Variants in HSF1 observed in about 807,000 individuals in gnomAD.
HSF1 encodes the protein heat shock transcription factor 1.
In HSF1, 32 loss-of-function variants were observed where a neutral mutation model predicts 51.7. The observed-to-expected ratio is 0.62, with a 90% CI of 0.47 to 0.83. HSF1 has a LOEUF of 0.83. HSF1 is among the 40% of genes least tolerant of loss of function. The probability of loss-of-function intolerance (pLI) is 0.00; values close to 1 mark genes in which losing one functional copy is unlikely to be tolerated. For synonymous variants in HSF1, 396 were observed against 309.7 expected (o/e 1.28, Z -2.92); for missense variants, 727 against 717.0 (o/e 1.01, Z -0.16).
Position 144,312,185 on chromosome 8 carries a change from T to TGCCCGCCCCCCCCCCC in HSF1, c.1083_1084insGCCCGCCCCCCCCCCC (p.Pro362AlafsTer15). The TGCCCGCCCCCCCCCCC allele has an allele frequency of 6.5e-7, 1 of 1,532,956 alleles. No individual in the cohort carries two copies. The highest frequency in any genetic ancestry group is 8.9e-7 in the Non-Finnish European group (1 of 1,117,516). The allele number at this position is 1,532,956 out of a possible 1,614,324, so 95.0% of individuals were successfully genotyped here. A position where few individuals can be genotyped will look rare whatever the true frequency, so the allele number is the denominator to read the frequency against. ...GCCACACGGACACCGAGGGCCGGCC[T>TGCCCGCCCCCCCCCCC]CCCTCCCCCCCGCCCACCTCCACCC... On this transcript the variant is annotated frameshift_variant, in exon 9 of 13. Coordinates refer to ENST00000528838, the MANE Select transcript of HSF1 (RefSeq NM_005526.4). LOFTEE classifies it high-confidence loss of function.
At chr8:144,300,311 G>A (rs1815774011) in intron 1 of HSF1, among the ~76,000 whole-genome samples, 1 of 141,656 alleles carries the variant, frequency 7.1e-6, no homozygotes, top group Admixed American at 8.0e-5. Flanking sequence ...CCACCTCCCA[G>A]GTCCAAGCAA....
rs1445520969 is a variant in HSF1 at position 144,293,048 on chromosome 8, C to G, written c.117+1174C>G. Reference sequence around the variant, plus strand: ...GTGCCACCAAGCATGTGTGGCCTCCCAGGAGCTAAGACCCCAGAGTTCTTC... The same window carrying G: ...GTGCCACCAAGCATGTGTGGCCTCCGAGGAGCTAAGACCCCAGAGTTCTTC... On this transcript the variant is annotated intron_variant, in intron 1 of 12. Transcript: ENST00000528838. 2.0e-5 allele frequency among the ~76,000 whole-genome samples: 3 copies of G among 152,258 alleles called. No homozygotes were observed. The East Asian group carries it at 5.8e-4, about 29-fold the overall frequency.
intron 1 of HSF1, among the ~76,000 whole-genome samples, chr8:144,294,131 G>A (rs1369969937): frequency 1.3e-5 from 2 of 152,112 alleles, no homozygotes; most frequent in African/African-American, 4.8e-5. Context: ...GGTGCAGGAC[G>A]TAGCACTGGG....
At position 144,312,185 on chromosome 8, in the gene HSF1, T is replaced by TGCCCAA; in HGVS notation, c.1083_1084insGCCCAA (p.Pro361_Pro362insAlaGln). Reference sequence around the variant, plus strand: ...GCCACACGGACACCGAGGGCCGGCCTCCCTCCCCCCCGCCCACCTCCACCC... The same window carrying TGCCCAA: ...GCCACACGGACACCGAGGGCCGGCCTGCCCAACCCTCCCCCCCGCCCACCTCCACCC... On this transcript the variant is annotated inframe_insertion, in exon 9 of 13. Transcript: ENST00000528838. The TGCCCAA allele has an allele frequency of 5.2e-6, 8 of 1,532,866 alleles. No homozygotes were observed. Among genetic ancestry groups the TGCCCAA allele is most frequent in the Non-Finnish European group, 7.2e-6 (8 of 1,117,446 alleles). The allele number at this position is 1,532,866 out of a possible 1,614,324, so 95.0% of individuals were successfully genotyped here. A position where few individuals can be genotyped will look rare whatever the true frequency, so the allele number is the denominator to read the frequency against.
At chr8:144,313,204 C>T in intron 9 of HSF1, 1 of 429,418 alleles carries the variant, frequency 2.3e-6, no homozygotes, top group Non-Finnish European at 4.3e-6. Flanking sequence ...CAACCCTGAA[C>T]ACTGAAATCC....
rs531199773 is a variant in HSF1 at position 144,304,255 on chromosome 8, A to T, written c.118-4651A>T. Among the ~76,000 whole-genome samples the T allele has an allele frequency of 8.1e-4, 124 of 152,306 alleles. 1 individual carries two copies. Among genetic ancestry groups the T allele is most frequent in the African/African-American group, 2.6e-3 (108 of 41,564 alleles). On this transcript the variant is annotated intron_variant, in intron 1 of 12. Transcript: ENST00000528838. ...TGAGGCTCAGATGCCACCAGGCTTA[A>T]TGTTCGTACCAGGTGTCAGTAGATT...
At chr8:144,307,386 G>A (rs995347821) in intron 1 of HSF1, among the ~76,000 whole-genome samples, 1 of 152,214 alleles carries the variant, frequency 6.6e-6, no homozygotes, top group Non-Finnish European at 1.5e-5. Context: ...CTGTTCCCAC[G>A]GGGACTGCAG....
intron 9 of HSF1, chr8:144,312,760 G>A: frequency 6.8e-7 from 1 of 1,479,186 alleles, no homozygotes; most frequent in Non-Finnish European, 9.1e-7. Flanking sequence ...CCAGCGCTCG[G>A]GCCCTCCCAC....
At chr8:144,310,981 G>A (rs782074237) in intron 4 of HSF1, 193 bp from the exon 5 acceptor site, 56 of 606,182 alleles carry the variant, frequency 9.2e-5, no homozygotes, top group African/African-American at 8.5e-4. Flanking sequence ...GCAGGGAGGG[G>A]CAGTGGGACC....
chr8:144,310,087 G>GT, intron 4 of HSF1, 191 bp downstream of exon 4: 1 of 638,522 alleles, frequency 1.6e-6, no homozygotes, highest in Non-Finnish European at 2.6e-6. Flanking sequence ...GGGGCCAGCC[G>GT]TTTTCCATGT....
rs557417778 is a variant in HSF1, at chr8:144,297,148, G to A, written c.117+5274G>A. ...GTGCAGGGCGAGCTGGAGAGGGGTC[G>A]GTGGGGCTCACAGTGCCTTCCCAGA... On this transcript the variant is annotated intron_variant, in intron 1 of 12. Transcript: ENST00000528838. The surrounding 1 kb of genome is among the most constrained non-coding windows in gnomAD (Gnocchi z 4.6). Among the ~76,000 whole-genome samples the A allele has an allele frequency of 2.0e-5, 3 of 152,144 alleles. No individual in the cohort carries two copies. The highest frequency in any genetic ancestry group is 2.9e-5 in the Non-Finnish European group (2 of 68,032).
Position 144,311,952 on chromosome 8 carries a change from C to G in HSF1, c.861-11C>G, listed in dbSNP as rs373954387. On this transcript the variant is annotated splice_polypyrimidine_tract_variant and intron_variant, in intron 8 of 12. Transcript: ENST00000528838. ...CGAGACGCCAGCTCACCTGGCCCCC[C>G]TCGTGTGCAGGCCCCTATCCAGCAG... The G allele has an allele frequency of 2.7e-5, 43 of 1,580,662 alleles. No individual in the cohort carries two copies. The highest frequency in any genetic ancestry group is 4.6e-5 in the East Asian group (2 of 43,810).
At chr8:144,310,962 G>C (rs1246021424) in intron 4 of HSF1, 1 of 593,002 alleles carries the variant, frequency 1.7e-6, no homozygotes. Flanking sequence ...GTGACACCAG[G>C]TGTCCCCGGC....
At chr8:144,293,445 C>CTTT (rs782156166) in intron 1 of HSF1, 1 of 139,376 alleles carries the variant, frequency 7.2e-6, no homozygotes, top group Non-Finnish European at 1.5e-5. Context: ...TTTCTTTTTT[C>CTTT]TTTTTTTTTT....
intron 1 of HSF1, among the ~76,000 whole-genome samples, chr8:144,302,595 G>T (rs1171414555): frequency 1.3e-5 from 2 of 151,952 alleles, no homozygotes; most frequent in Non-Finnish European, 2.9e-5. Context: ...TGGGAGGCCA[G>T]CGCGGGTAGA....
chr8:144,314,312 G>C lies in HSF1; in HGVS notation c.1572G>C (p.Lys524Asn). 1.3e-6 allele frequency: 2 copies of C among 1,550,208 alleles called. No homozygotes were observed. Among genetic ancestry groups the C allele is most frequent in the South Asian group, 2.4e-5 (2 of 84,062 alleles). ...CAGGCTCGGAGCCTCCCAAAGCCAA[G>C]GACCCCACTGTCTCCTAGAGGCCCC... ...LLTGSEPPKA[K>N]DPTVS Residue 524 changes from lysine (K) to asparagine (N), a missense_variant, in exon 13 of 13, where the codon AAG (lysine) becomes AAC (asparagine). Transcript: ENST00000528838.
intron 1 of HSF1, among the ~76,000 whole-genome samples, chr8:144,296,621 A>G (rs554659781): frequency 1.3e-5 from 2 of 152,244 alleles, no homozygotes; most frequent in East Asian, 3.9e-4. Context: ...CCTGGCTAAC[A>G]TGGTGAAACC....
intron 1 of HSF1, among the ~76,000 whole-genome samples, chr8:144,300,488 C>CAG (rs1815793972): frequency 2.6e-5 from 4 of 151,736 alleles, no homozygotes; most frequent in South Asian, 4.2e-4. Flanking sequence ...AAGTGTTGGG[C>CAG]GCGTCAGCCA....
chr8:144,304,178 CCT>C (rs782768380), intron 1 of HSF1, among the ~76,000 whole-genome samples: 1 of 152,138 alleles, frequency 6.6e-6, no homozygotes, highest in Non-Finnish European at 1.5e-5. Context: ...CTCCCCTCTC[CCT>C]GAGTGTAGTA....
Sources: allele counts gnomAD v4.1 joint callset (sites outside exome capture counted in the v4.1 genomes callset), GRCh38; gene constraint gnomAD v4.1.1; non-coding constraint Gnocchi (gnomAD v3.1); transcripts MANE v1.5; gene names NCBI Gene and HGNC (gene_info 2026-07-23, HGNC 2026-07-21).